The following RBP7 variants were observed in gnomAD, a reference collection of about 807,000 sequenced individuals.
RBP7 encodes retinol binding protein 7.
RBP7 carries 13 observed loss-of-function variants against 16.7 expected under a neutral mutation model. The observed-to-expected ratio is 0.78, with a 90% CI of 0.51 to 1.24. RBP7 has a LOEUF of 1.24. Among genes scored for constraint, RBP7 ranks in the 50% most tolerant of loss-of-function variants. RBP7 has a pLI of 0.00. For missense variants in RBP7, 145 were observed against 159.5 expected (o/e 0.91, Z 0.49); for synonymous variants, 54 against 56.2 (o/e 0.96, Z 0.17).
At chr1:10,013,978 A>G (rs930775037) in intron 3 of RBP7, among the ~76,000 whole-genome samples, 11 of 152,050 alleles carry the variant, frequency 7.2e-5, no homozygotes, top group African/African-American at 2.7e-4. Flanking sequence ...CCTGTCTCCA[A>G]ATAAAAAAGG....
intron 1 of RBP7, among the ~76,000 whole-genome samples, chr1:10,001,588 TAA>T (rs1280547083): frequency 6.6e-6 from 1 of 152,058 alleles, no homozygotes; most frequent in East Asian, 1.9e-4. Context: ...TATTTGGAGC[TAA>T]CCTGGGATTT....
intron 1 of RBP7, among the ~76,000 whole-genome samples, chr1:10,002,039 G>T (rs1190546060): frequency 6.6e-6 from 1 of 152,000 alleles, no homozygotes; most frequent in South Asian, 2.1e-4. Flanking sequence ...CGTTGGCCAG[G>T]CTGGTCTCGA....
chr1:10,006,137 GA>G (rs1357089865), intron 1 of RBP7, among the ~76,000 whole-genome samples: 4 of 152,158 alleles, frequency 2.6e-5, no homozygotes, highest in Non-Finnish European at 4.4e-5. Flanking sequence ...GCAGTAAGTG[GA>G]ACTGGGATTC....
chr1:10,008,740 C>T (rs1317016530), intron 3 of RBP7, among the ~76,000 whole-genome samples: 1 of 151,934 alleles, frequency 6.6e-6, no homozygotes. Context: ...CCACACCTGG[C>T]CCATCTCTAC....
chr1:10,013,364 C>T (rs574798432), intron 3 of RBP7, among the ~76,000 whole-genome samples: 112 of 152,182 alleles, frequency 7.4e-4, no homozygotes, highest in African/African-American at 2.3e-3. Flanking sequence ...TGAGCCACCG[C>T]GCCCAGCCAC....
intron 1 of RBP7, 32 bp from the exon 2 acceptor site, chr1:10,007,538 A>C: frequency 6.9e-7 from 1 of 1,455,582 alleles, no homozygotes; most frequent in South Asian, 1.3e-5. Context: ...TCTCAAGCGA[A>C]TGTTCAAATA....
In RBP7 at chr1:10,008,156, C is replaced by T; in HGVS notation, c.253-17C>T. 3 of 1,517,718 alleles carry T rather than the reference C, an allele frequency of 2.0e-6. No individual in the cohort carries two copies. Among genetic ancestry groups the T allele is most frequent in the Non-Finnish European group, 2.7e-6 (3 of 1,092,952 alleles). 94.0% of individuals were successfully genotyped at this position (1,517,718 alleles called of 1,614,324 possible). ...TCCTGCCAGGACAAGCTAACATTTT[C>T]TCCTCTCTTCATGCAGAGTTTGGTT... On this transcript the variant is annotated splice_polypyrimidine_tract_variant and intron_variant, in intron 2 of 3. Transcript: ENST00000294435.
intron 1 of RBP7, among the ~76,000 whole-genome samples, chr1:9,998,857 C>A (rs868231047): frequency 4.6e-5 from 7 of 152,170 alleles, no homozygotes; most frequent in Middle Eastern, 3.4e-3. Context: ...AGAGGAAGAG[C>A]AGAGAATTCT....
chr1:10,000,447 T>C (rs1004701614), intron 1 of RBP7, among the ~76,000 whole-genome samples: 30 of 151,480 alleles, frequency 2.0e-4, no homozygotes, highest in African/African-American at 7.3e-4. Context: ...GGCACGAGAA[T>C]CGCTTGAACC....
intron 3 of RBP7, among the ~76,000 whole-genome samples, chr1:10,011,474 A>G (rs1642618761): frequency 1.3e-5 from 2 of 152,220 alleles, no homozygotes; most frequent in African/African-American, 2.4e-5. Flanking sequence ...AGGTCCCACA[A>G]TCACATTCCT....
chr1:10,007,451 C>T (rs1642478369), intron 1 of RBP7, 119 bp from the exon 2 acceptor site: 5 of 769,196 alleles, frequency 6.5e-6, no homozygotes, highest in Admixed American at 2.9e-5. Flanking sequence ...CAGCAAACAA[C>T]ATAGAAGTCG....
At chr1:9,999,967 C>T (rs929959646) in intron 1 of RBP7, among the ~76,000 whole-genome samples, 4 of 152,014 alleles carry the variant, frequency 2.6e-5, no homozygotes, top group Non-Finnish European at 4.4e-5. Context: ...CAGTGGCTCA[C>T]ACCTGTAATC....
At chr1:10,004,424 G>A (rs7539191) in intron 1 of RBP7, 36,751 of 152,112 alleles carry the variant, frequency 0.24, 5,900 homozygotes, top group African/African-American at 0.43. Context: ...TGCCCAGGCT[G>A]GAGTGCAATG....
chr1:10,003,721 A>C (rs903440234), intron 1 of RBP7, among the ~76,000 whole-genome samples: 20 of 152,120 alleles, frequency 1.3e-4, no homozygotes, highest in Admixed American at 1.2e-3. Context: ...GCAAATTGTA[A>C]ATTTGCTAAC....
chr1:10,011,881 A>C (rs1642629257), intron 3 of RBP7, among the ~76,000 whole-genome samples: 1 of 151,768 alleles, frequency 6.6e-6, no homozygotes, highest in Admixed American at 6.6e-5. Flanking sequence ...ACATGATGAA[A>C]CCCCATCTCT....
At chr1:10,001,331 G>T (rs1642272175) in intron 1 of RBP7, among the ~76,000 whole-genome samples, 1 of 151,628 alleles carries the variant, frequency 6.6e-6, no homozygotes, top group Non-Finnish European at 1.5e-5. Flanking sequence ...TTTGAGATAG[G>T]GTCTTGCTCT....
chr1:10,004,382 T>C (rs565402833), intron 1 of RBP7: 1 of 151,250 alleles, frequency 6.6e-6, no homozygotes, highest in African/African-American at 2.4e-5. Context: ...ATTGATGGAT[T>C]GATTGATTTT....
At chr1:10,010,379 G>A (rs1430826077) in intron 3 of RBP7, among the ~76,000 whole-genome samples, 1 of 152,014 alleles carries the variant, frequency 6.6e-6, no homozygotes, top group African/African-American at 2.4e-5. Flanking sequence ...GCCTCCCAAA[G>A]TTCTGGGATT....
intron 3 of RBP7, among the ~76,000 whole-genome samples, chr1:10,013,610 A>G (rs1400214002): frequency 6.6e-6 from 1 of 152,042 alleles, no homozygotes; most frequent in Non-Finnish European, 1.5e-5. Context: ...GGAGTTGGAA[A>G]CTAGCCTGGC....
Sources: allele counts gnomAD v4.1 joint callset (sites outside exome capture counted in the v4.1 genomes callset), GRCh38; gene constraint gnomAD v4.1.1; transcripts MANE v1.5; gene names NCBI Gene and HGNC (gene_info 2026-07-23, HGNC 2026-07-21).